ESRRG: variants seen among roughly 807,000 people sequenced by gnomAD.
ESRRG encodes estrogen-related receptor gamma.
ESRRG carries 13 observed loss-of-function variants against 44.0 expected under a neutral mutation model. The observed-to-expected ratio is 0.30, with a 90% CI of 0.19 to 0.47. The LOEUF (loss-of-function observed/expected upper bound fraction) is 0.47. Among genes scored for constraint, ESRRG ranks in the 20% least tolerant of loss-of-function variants. The pLI, the probability that ESRRG is intolerant of heterozygous loss-of-function variation, is 1.00. For synonymous variants in ESRRG, 215 were observed against 214.6 expected (o/e 1.00, Z -0.02); for missense variants, 395 against 580.6 (o/e 0.68, Z 3.29).
intron 1 of ESRRG, among the ~76,000 whole-genome samples, chr1:217,103,975 G>A (rs2092555640): frequency 1.3e-5 from 2 of 152,098 alleles, no homozygotes; most frequent in Admixed American, 6.5e-5. Flanking sequence ...CCTGATGGCA[G>A]GATCAACCTC....
At chr1:216,886,232 C>T (rs2096516499) in intron 2 of ESRRG, among the ~76,000 whole-genome samples, 4 of 152,140 alleles carry the variant, frequency 2.6e-5, no homozygotes. Context: ...TCACTTGAGA[C>T]AATGCACTGT....
chr1:217,019,488 G>A (rs145105582), intron 1 of ESRRG, among the ~76,000 whole-genome samples: 25 of 152,296 alleles, frequency 1.6e-4, no homozygotes, highest in South Asian at 6.2e-4. Context: ...GGAGAAAAAT[G>A]TTCCAGAAAG....
chr1:216,594,029 A>G (rs543901786), intron 3 of ESRRG, among the ~76,000 whole-genome samples: 1 of 152,280 alleles, frequency 6.6e-6, no homozygotes, highest in South Asian at 2.1e-4. Flanking sequence ...GAATTTTAAT[A>G]GTATGAATTC....
At chr1:217,118,081 T>G (rs1016363876) in intron 1 of ESRRG, among the ~76,000 whole-genome samples, 5 of 152,240 alleles carry the variant, frequency 3.3e-5, no homozygotes, top group African/African-American at 1.2e-4. Flanking sequence ...CTAAGCATTT[T>G]ACTGATAATA....
intron 2 of ESRRG, among the ~76,000 whole-genome samples, chr1:216,777,460 T>C (rs2093658026): frequency 6.6e-6 from 1 of 152,144 alleles, no homozygotes; most frequent in Non-Finnish European, 1.5e-5. Flanking sequence ...TCACTTTTTA[T>C]TCCACTCATT....
At chr1:216,526,556 C>T (rs2047717139) in intron 5 of ESRRG, among the ~76,000 whole-genome samples, 1 of 152,106 alleles carries the variant, frequency 6.6e-6, no homozygotes, top group Admixed American at 6.6e-5. Flanking sequence ...CTTGGGCTTC[C>T]AACTTCCAGA....
At position 216,653,572 on chromosome 1, in the gene ESRRG, A is replaced by G. The variant is rs557283477; in HGVS notation, c.473-2483T>C. Among the ~76,000 whole-genome samples the G allele has an allele frequency of 8.3e-4, 127 of 152,216 alleles. 1 individual carries two copies. Among genetic ancestry groups the G allele is most frequent in the Admixed American group, 2.0e-3 (31 of 15,290 alleles). ...GTGTCCTTCAGACTTTCCTCTGAGAATTATCTATCTTTGCCACTTTTTCTT... is the reference window on the plus strand; with the variant it reads ...GTGTCCTTCAGACTTTCCTCTGAGAGTTATCTATCTTTGCCACTTTTTCTT... On this transcript the variant is annotated intron_variant, in intron 2 of 6. Transcript: ENST00000408911.
intron 2 of ESRRG, among the ~76,000 whole-genome samples, chr1:216,853,412 T>C (rs11572556): frequency 0.19 from 29,627 of 152,170 alleles, 2,974 homozygotes; most frequent in Admixed American, 0.27. Flanking sequence ...AAAGTCCAAA[T>C]TCCCTTATGT....
intron 2 of ESRRG, chr1:216,862,526 C>T (rs762480466): frequency 5.3e-5 from 8 of 152,050 alleles, no homozygotes; most frequent in African/African-American, 1.2e-4. Flanking sequence ...ATAAACACAT[C>T]GTAGCTTATA....
rs534897501 is a variant in ESRRG, at chr1:216,874,069, G to A, written c.-14+65513C>T. 1.2e-4 allele frequency among the ~76,000 whole-genome samples: 18 copies of A among 151,042 alleles called. No individual in the cohort carries two copies. In the South Asian group the frequency reaches 3.8e-3, roughly 32 times the overall value. Reference sequence around the variant, plus strand: ...GGAAGGAAGGAAGGGAGGAAGGTAGGAAGGCCACTCTCTGCCTCTACCACT... The same window carrying A: ...GGAAGGAAGGAAGGGAGGAAGGTAGAAAGGCCACTCTCTGCCTCTACCACT... On this transcript the variant is annotated intron_variant, in intron 2 of 7. Coordinates refer to the ESRRG transcript ENST00000359162.
At chr1:217,128,371 T>C (rs1477338748) in intron 1 of ESRRG, among the ~76,000 whole-genome samples, 1 of 152,222 alleles carries the variant, frequency 6.6e-6, no homozygotes, top group African/African-American at 2.4e-5. Context: ...TTTGCAATGA[T>C]TTAGTTTCTC....
chr1:216,840,742 C>T (rs1241204235), intron 2 of ESRRG, among the ~76,000 whole-genome samples: 1 of 151,882 alleles, frequency 6.6e-6, no homozygotes, highest in Non-Finnish European at 1.5e-5. Flanking sequence ...ATAAAGAGGC[C>T]CAAGAAGAGG....
intron 2 of ESRRG, among the ~76,000 whole-genome samples, chr1:216,742,172 T>C (rs1339352): frequency 0.7 from 105,969 of 152,060 alleles, 37,919 homozygotes; most frequent in East Asian, 0.84. Flanking sequence ...AAATGCATTC[T>C]TATTTCCAGG....
intron 3 of ESRRG, among the ~76,000 whole-genome samples, chr1:216,602,113 A>G (rs1407337291): frequency 6.6e-6 from 1 of 152,198 alleles, no homozygotes; most frequent in Admixed American, 6.5e-5. Flanking sequence ...TTTTAAATAT[A>G]GTTGTTATAT....
intron 5 of ESRRG, among the ~76,000 whole-genome samples, chr1:216,542,941 T>C (rs2053344878): frequency 1.3e-5 from 2 of 152,014 alleles, no homozygotes; most frequent in Admixed American, 1.3e-4. Context: ...CCCAAGCACA[T>C]GGCATTTGAA....
intron 1 of ESRRG, among the ~76,000 whole-genome samples, chr1:217,117,475 C>A (rs1026385414): frequency 3.3e-5 from 5 of 152,004 alleles, no homozygotes; most frequent in African/African-American, 1.2e-4. Flanking sequence ...GTCCCAGGTA[C>A]TCTGGAGGCT....
intron 4 of ESRRG, among the ~76,000 whole-genome samples, chr1:216,567,185 A>T (rs1396897544): frequency 6.6e-6 from 1 of 152,232 alleles, no homozygotes; most frequent in Non-Finnish European, 1.5e-5. Flanking sequence ...CTCCATGCCC[A>T]GTAGGATCCC....
At chr1:216,726,418 G>T (rs2087529801), upstream of ESRRG, among the ~76,000 whole-genome samples, 1 of 151,974 alleles carries the variant, frequency 6.6e-6, no homozygotes, top group South Asian at 2.1e-4. Flanking sequence ...AACTTCCCTG[G>T]TCCCAGATTT....
At chr1:216,787,599 C>CAAAAAAAAAAAAAAAAAAAAAAAAAA (rs34433548) in intron 2 of ESRRG, among the ~76,000 whole-genome samples, 1 of 76,440 alleles carries the variant, frequency 1.3e-5, no homozygotes, top group Non-Finnish European at 2.5e-5. Flanking sequence ...AAGACTCCAT[C>CAAAAAAAAAAAAAAAAAAAAAAAAAA]AAAAAAAAAA....
Sources: allele counts gnomAD v4.1 joint callset (sites outside exome capture counted in the v4.1 genomes callset), GRCh38; gene constraint gnomAD v4.1.1; transcripts MANE v1.5; gene names NCBI Gene and HGNC (gene_info 2026-07-23, HGNC 2026-07-21).